The following TMEM163 variants were observed in gnomAD, a reference collection of about 807,000 sequenced individuals.
TMEM163 encodes transmembrane protein 163.
A neutral mutation model predicts 29.3 loss-of-function variants in TMEM163; 17 were observed. The ratio of observed to expected loss-of-function variants is 0.58; its 90% confidence interval spans 0.40 to 0.87. The LOEUF (loss-of-function observed/expected upper bound fraction) is 0.87. TMEM163 is among the 40% of genes least tolerant of loss of function. The pLI is 0.00. For missense variants in TMEM163, 303 were observed against 381.5 expected (o/e 0.79, Z 1.71); for synonymous variants, 157 against 160.6 (o/e 0.98, Z 0.17).
At chr2:134,507,578 T>C (rs1292322055) in intron 4 of TMEM163, among the ~76,000 whole-genome samples, 1 of 152,182 alleles carries the variant, frequency 6.6e-6, no homozygotes, top group Non-Finnish European at 1.5e-5. Flanking sequence ...TAAGAACCAC[T>C]GAATAGGCCG....
At chr2:134,465,686 C>A (rs988902709) in intron 6 of TMEM163, among the ~76,000 whole-genome samples, 2 of 152,250 alleles carry the variant, frequency 1.3e-5, no homozygotes, top group Admixed American at 6.5e-5. Context: ...TAACTGCAAC[C>A]TGAACTCCCA....
chr2:134,686,910 C>A (rs1380819036), intron 2 of TMEM163, among the ~76,000 whole-genome samples: 1 of 152,118 alleles, frequency 6.6e-6, no homozygotes, highest in African/African-American at 2.4e-5. Context: ...CCTGGCCATC[C>A]AAAGAAGTGC....
intron 4 of TMEM163, among the ~76,000 whole-genome samples, chr2:134,529,595 G>T (rs1680375273): frequency 6.6e-6 from 1 of 151,472 alleles, no homozygotes; most frequent in African/African-American, 2.4e-5. Flanking sequence ...ACAAAAAAAA[G>T]TACAAAAATT....
chr2:134,673,970 T>C (rs1370138415), intron 2 of TMEM163, among the ~76,000 whole-genome samples: 1 of 152,234 alleles, frequency 6.6e-6, no homozygotes, highest in East Asian at 1.9e-4. Flanking sequence ...TTGTACATTT[T>C]CATTCCATAA....
chr2:134,548,127 G>A (rs1680831506), intron 4 of TMEM163, among the ~76,000 whole-genome samples: 1 of 151,768 alleles, frequency 6.6e-6, no homozygotes, highest in Non-Finnish European at 1.5e-5. Flanking sequence ...AAAAGCAGAG[G>A]GAAAAACTTT....
intron 2 of TMEM163, among the ~76,000 whole-genome samples, chr2:134,696,767 A>G (rs760809924): frequency 6.6e-6 from 1 of 152,064 alleles, no homozygotes; most frequent in Non-Finnish European, 1.5e-5. Context: ...TCTTACTTCT[A>G]ATAGTATCTG....
At chr2:134,615,686 T>A (rs58214674) in intron 2 of TMEM163, among the ~76,000 whole-genome samples, 6,072 of 135,996 alleles carry the variant, frequency 0.045, 470 homozygotes, top group African/African-American at 0.16. Flanking sequence ...AGATGGAATC[T>A]GGCTCTGTCA....
At chr2:134,555,249 T>C (rs1362389181) in intron 2 of TMEM163, among the ~76,000 whole-genome samples, 1 of 152,208 alleles carries the variant, frequency 6.6e-6, no homozygotes, top group Non-Finnish European at 1.5e-5. Context: ...AGGGTCAGAA[T>C]GGTTTACACA....
chr2:134,500,574 C>G (rs1679675923), intron 5 of TMEM163, among the ~76,000 whole-genome samples: 1 of 152,054 alleles, frequency 6.6e-6, no homozygotes, highest in African/African-American at 2.4e-5. Flanking sequence ...TTTTAAATCC[C>G]ACACCAACAA....
intron 6 of TMEM163, among the ~76,000 whole-genome samples, 172 bp downstream of exon 6, chr2:134,465,942 T>C (rs1428364158): frequency 2.6e-5 from 4 of 152,204 alleles, no homozygotes; most frequent in Non-Finnish European, 4.4e-5. Flanking sequence ...ATATCTGCCC[T>C]GATATGGGAG....
chr2:134,620,325 C>T lies in TMEM163; in HGVS notation c.323-68234G>A, dbSNP rs140390135. ...AAGCTAGAGTGCAATGGCGCGATCT[C>T]GGCTCACTGCAACCTCCACCTCCCG... On this transcript the variant is annotated intron_variant, in intron 2 of 7. Transcript: ENST00000281924. 6.4e-3 allele frequency among the ~76,000 whole-genome samples: 973 copies of T among 151,542 alleles called. 15 individuals carry two copies. The highest frequency in any genetic ancestry group is 0.022 in the African/African-American group (927 of 41,230).
chr2:134,554,416 C>A (rs562216477), intron 2 of TMEM163, among the ~76,000 whole-genome samples: 56 of 131,258 alleles, frequency 4.3e-4, no homozygotes, highest in African/African-American at 1.7e-3. Context: ...GAGCGAGACC[C>A]CATCTCAAAA....
chr2:134,514,212 A>G (rs1242698926), intron 4 of TMEM163, among the ~76,000 whole-genome samples: 2 of 152,178 alleles, frequency 1.3e-5, no homozygotes, highest in East Asian at 3.8e-4. Flanking sequence ...ACCTGTCACA[A>G]GAATGAAGAG....
At chr2:134,516,644 TATATTCATA>T (rs1312523920) in intron 4 of TMEM163, among the ~76,000 whole-genome samples, 3 of 147,728 alleles carry the variant, frequency 2.0e-5, no homozygotes, top group African/African-American at 7.4e-5. Context: ...TATTCATACT[TATATTCATA>T]CATATATTCA....
intron 2 of TMEM163, among the ~76,000 whole-genome samples, chr2:134,710,830 C>T (rs914808371): frequency 4.6e-5 from 7 of 152,066 alleles, no homozygotes; most frequent in African/African-American, 1.7e-4. Flanking sequence ...CAAACACACA[C>T]AGGCACACAC....
chr2:134,620,944 CA>C (rs1682717819), intron 2 of TMEM163, among the ~76,000 whole-genome samples: 1 of 152,030 alleles, frequency 6.6e-6, no homozygotes, highest in African/African-American at 2.4e-5. Flanking sequence ...GACGCAACAC[CA>C]AAAACACAAT....
intron 4 of TMEM163, among the ~76,000 whole-genome samples, chr2:134,535,422 G>C (rs1235908329): frequency 1.3e-5 from 2 of 152,178 alleles, no homozygotes; most frequent in Non-Finnish European, 1.5e-5. Flanking sequence ...TATGGAAAGA[G>C]GATTTTTATT....
chr2:134,633,990 TA>T (rs1683040900), intron 2 of TMEM163, among the ~76,000 whole-genome samples: 1 of 21,872 alleles, frequency 4.6e-5, no homozygotes, highest in Non-Finnish European at 9.8e-5. Context: ...TATATATATA[TA>T]TATATATATA....
At chr2:134,633,996 T>C (rs1190709378) in intron 2 of TMEM163, among the ~76,000 whole-genome samples, 3 of 23,824 alleles carry the variant, frequency 1.3e-4, no homozygotes, top group African/African-American at 6.8e-4. Flanking sequence ...TATATATATA[T>C]ATATATATAT....
Sources: allele counts gnomAD v4.1 joint callset (sites outside exome capture counted in the v4.1 genomes callset), GRCh38; gene constraint gnomAD v4.1.1; transcripts MANE v1.5; gene names NCBI Gene and HGNC (gene_info 2026-07-23, HGNC 2026-07-21).